RUVBL1: variants seen among roughly 807,000 people sequenced by gnomAD.
RUVBL1 encodes the protein RuvB like AAA ATPase 1, also known as ruvB-like 1.
Under a neutral mutation model 52.4 loss-of-function variants are expected in RUVBL1, and 4 were observed. That is an observed-to-expected ratio of 0.08 (90% confidence interval 0.04 to 0.17). The LOEUF is 0.17. RUVBL1 is among the 10% of genes least tolerant of loss of function. The pLI is 1.00. For synonymous variants in RUVBL1, 217 were observed against 214.4 expected (o/e 1.01, Z -0.10); for missense variants, 298 against 572.8 (o/e 0.52, Z 4.90).
In RUVBL1 at chr3:128,067,321, G is replaced by A. The variant is rs536132391; in HGVS notation, c.940-2101C>T. 9.9e-5 allele frequency: 134 copies of A among 1,354,562 alleles called. 1 individual carries two copies. In the African/African-American group the frequency reaches 1.3e-3, roughly 13 times the overall value. 83.9% of individuals were successfully genotyped at this position (1,354,562 alleles called of 1,614,324 possible). On this transcript the variant is annotated intron_variant, in intron 9 of 9. Coordinates refer to the RUVBL1 transcript ENST00000464873. This position sits in a 1 kb window ranked among gnomAD's most constrained non-coding sequence, Gnocchi z 4.1. ...GTAAAAAAATTGTACTGTGGGCACC[G>A]AGTAAAATTGCATTCTTTCATCTGC...
chr3:128,068,291 G>T (rs1942044245), intron 9 of RUVBL1, among the ~76,000 whole-genome samples: 1 of 152,252 alleles, frequency 6.6e-6, no homozygotes, highest in Non-Finnish European at 1.5e-5. Context: ...TGGGTAAGGA[G>T]ATGGAAGCAT....
chr3:128,151,706 C>T (rs1944218698), intron 1 of RUVBL1, among the ~76,000 whole-genome samples: 1 of 152,128 alleles, frequency 6.6e-6, no homozygotes, highest in African/African-American at 2.4e-5. Context: ...CCCAAACGTC[C>T]CATCTCCAAA....
Position 128,081,995 on chromosome 3 carries a change from G to A in RUVBL1, c.1211+488C>T, listed in dbSNP as rs371932921. 6.7e-5 allele frequency: 11 copies of A among 163,794 alleles called. No homozygotes were observed. Among genetic ancestry groups the A allele is most frequent in the East Asian group, 1.8e-4 (1 of 5,464 alleles). The allele number at this position is 163,794 out of a possible 1,614,324, so 10.1% of individuals were successfully genotyped here. ...GCTCTGCCGGTCCTGTGTTTGAGCC[G>A]CTGGAGAACAATTAGGAGAACTGTC... On this transcript the variant is annotated intron_variant, in intron 10 of 10. Coordinates refer to ENST00000322623, the MANE Select transcript of RUVBL1 (RefSeq NM_003707.3). This position sits in a 1 kb window ranked among gnomAD's most constrained non-coding sequence, Gnocchi z 4.8.
intron 9 of RUVBL1, among the ~76,000 whole-genome samples, chr3:128,086,277 G>A (rs917481590): frequency 6.6e-6 from 1 of 152,244 alleles, no homozygotes; most frequent in African/African-American, 2.4e-5. Flanking sequence ...GATTACAGGT[G>A]TGAGTCACCA....
At chr3:128,097,526 G>C in intron 7 of RUVBL1, 28 bp from the exon 8 acceptor site, 1 of 1,598,316 alleles carries the variant, frequency 6.3e-7, no homozygotes. Context: ...GGGCAGGCAA[G>C]GTCAGCACAG....
At chr3:128,099,849 C>G (rs1410480802) in intron 6 of RUVBL1, among the ~76,000 whole-genome samples, 3 of 152,188 alleles carry the variant, frequency 2.0e-5, no homozygotes, top group Non-Finnish European at 4.4e-5. Flanking sequence ...CCAAGCTGGT[C>G]AGTGATGGAG....
At chr3:128,089,934 A>C (rs1017260365) in intron 8 of RUVBL1, among the ~76,000 whole-genome samples, 5 of 143,128 alleles carry the variant, frequency 3.5e-5, no homozygotes, top group South Asian at 4.5e-4. Context: ...AAAAAAAAAA[A>C]AAAAAACACA....
intron 9 of RUVBL1, chr3:128,084,396 T>C (rs1942576041): frequency 6.6e-6 from 1 of 152,218 alleles, no homozygotes; most frequent in South Asian, 2.1e-4. Flanking sequence ...AAACGGCTTC[T>C]CACTCACAGC....
At chr3:128,095,677 T>G (rs923544317) in intron 8 of RUVBL1, among the ~76,000 whole-genome samples, 10 of 152,174 alleles carry the variant, frequency 6.6e-5, no homozygotes, top group African/African-American at 2.4e-4. Context: ...ACTGCAGTGC[T>G]CACAGCACTA....
At chr3:128,076,700 A>G (rs1942336009), downstream of RUVBL1, among the ~76,000 whole-genome samples, 1 of 151,336 alleles carries the variant, frequency 6.6e-6, no homozygotes, top group Non-Finnish European at 1.5e-5. The surrounding 1 kb of genome is among the most constrained non-coding windows in gnomAD (Gnocchi z 6.8). Flanking sequence ...ACCTCCACCC[A>G]CTACATACAC....
intron 9 of RUVBL1, chr3:128,066,865 C>G: frequency 3.1e-6 from 4 of 1,293,782 alleles, no homozygotes; most frequent in Non-Finnish European, 4.4e-6. Context: ...CCCTTGTGGC[C>G]CACTGGACAG....
chr3:128,097,222 G>A, intron 8 of RUVBL1, 78 bp downstream of exon 8: 1 of 1,385,766 alleles, frequency 7.2e-7, no homozygotes, highest in Non-Finnish European at 1.0e-6. Flanking sequence ...ACCTCATGGG[G>A]TTTGGAGAGA....
intron 6 of RUVBL1, among the ~76,000 whole-genome samples, chr3:128,099,408 T>C (rs1943063922): frequency 6.6e-6 from 1 of 152,222 alleles, no homozygotes; most frequent in Non-Finnish European, 1.5e-5. Context: ...CTCCAAATGT[T>C]CCTGTGCCTT....
chr3:128,072,552 C>G (rs1942195947), intron 9 of RUVBL1, among the ~76,000 whole-genome samples: 1 of 152,196 alleles, frequency 6.6e-6, no homozygotes, highest in Admixed American at 6.5e-5. Context: ...TTTGAGACTG[C>G]TAGGACACAT....
chr3:128,140,692 A>G (rs1270438864), intron 1 of RUVBL1, among the ~76,000 whole-genome samples: 6 of 152,178 alleles, frequency 3.9e-5, no homozygotes, highest in Admixed American at 1.3e-4. Flanking sequence ...GACAGACCAC[A>G]TATAAGATAG....
In RUVBL1 at chr3:128,081,336, G is replaced by C. The variant is rs376409650; in HGVS notation, c.1285C>G (p.His429Asp). ...INGKDSIEKE[H>D]VEEISELFYD... ...AAAAGTTCACTGATCTCTTCGACATGCTCTTTCTCAATGCTGTCCTTCCCG... is the reference window on the plus strand; with the variant it reads ...AAAAGTTCACTGATCTCTTCGACATCCTCTTTCTCAATGCTGTCCTTCCCG... The change falls in exon 11 of 11, where the codon CAT becomes GAT. Residue 429 changes from histidine (H) to aspartate (D), a missense_variant. His to Asp is a moderately conservative substitution (Grantham distance 81, BLOSUM62 -1). This residue lies in a region of RUVBL1 where 161 missense variants were observed against 298.3 expected (regional missense o/e 0.54). Coordinates refer to ENST00000322623, the MANE Select transcript of RUVBL1 (RefSeq NM_003707.3). This position sits in a 1 kb window ranked among gnomAD's most constrained non-coding sequence, Gnocchi z 4.8. The C allele has an allele frequency of 6.2e-7, 1 of 1,614,234 alleles. No individual in the cohort carries two copies. Among genetic ancestry groups the C allele is most frequent in the Non-Finnish European group, 8.5e-7 (1 of 1,180,032 alleles).
At chr3:128,088,271 G>GA (rs1300202745) in intron 8 of RUVBL1, among the ~76,000 whole-genome samples, 5 of 147,330 alleles carry the variant, frequency 3.4e-5, no homozygotes, top group Non-Finnish European at 6.0e-5. Context: ...CAAAAAGAAA[G>GA]AAAAAAAAAA....
intron 9 of RUVBL1, chr3:128,069,348 G>T (rs1942083598): frequency 1.2e-6 from 1 of 866,742 alleles, no homozygotes. Flanking sequence ...GTTAGTAGAT[G>T]ACTTTCTAGG....
At chr3:128,126,311 C>T (rs1381233024), upstream of RUVBL1, among the ~76,000 whole-genome samples, 2 of 151,848 alleles carry the variant, frequency 1.3e-5, no homozygotes, top group Admixed American at 6.6e-5. Flanking sequence ...TCTGGGAGGC[C>T]GAGGCAGGTG....
Sources: gnomAD v4.1 joint callset for allele counts (sites outside exome capture counted in the v4.1 genomes callset) on GRCh38, gnomAD v4.1.1 for gene constraint, gnomAD v4.1.1 regional missense constraint, Gnocchi (gnomAD v3.1) non-coding constraint, MANE v1.5 for transcripts, NCBI Gene and HGNC (gene_info 2026-07-23, HGNC 2026-07-21) for gene names.